The following KALRN variants were observed in gnomAD, a reference collection of about 807,000 sequenced individuals.
KALRN encodes the protein kalirin RhoGEF kinase.
A neutral mutation model predicts 353.7 loss-of-function variants in KALRN; 70 were observed. The ratio of observed to expected loss-of-function variants is 0.20; its 90% CI spans 0.16 to 0.24. The LOEUF (loss-of-function observed/expected upper bound fraction) is 0.24. Ranked by LOEUF, KALRN falls within the 10% of genes least tolerant of loss-of-function variation. The pLI is 1.00. For missense variants in KALRN, 2,791 were observed against 3,756.7 expected (o/e 0.74, Z 6.72); for synonymous variants, 1,391 against 1,434.8 (o/e 0.97, Z 0.69).
intron 5 of KALRN, among the ~76,000 whole-genome samples, chr3:124,275,777 T>C (rs539782094): frequency 1.2e-3 from 186 of 152,304 alleles, no homozygotes; most frequent in Non-Finnish European, 2.2e-3. Flanking sequence ...AAATTCAGAA[T>C]TGATTTTTGA....
At chr3:124,083,841 A>T (rs1233445076) in intron 1 of KALRN, among the ~76,000 whole-genome samples, 3 of 152,186 alleles carry the variant, frequency 2.0e-5, no homozygotes, top group Non-Finnish European at 2.9e-5. Flanking sequence ...GTTAAGACTG[A>T]CAGAACTTCT....
At chr3:124,221,431 A>G (rs369641416) in intron 1 of KALRN, among the ~76,000 whole-genome samples, 1 of 152,220 alleles carries the variant, frequency 6.6e-6, no homozygotes, top group African/African-American at 2.4e-5. Flanking sequence ...AAGGAATACT[A>G]CATGGTCCCT....
intron 33 of KALRN, among the ~76,000 whole-genome samples, chr3:124,536,731 T>A (rs545668679): frequency 6.6e-6 from 1 of 152,372 alleles, no homozygotes; most frequent in East Asian, 1.9e-4. Flanking sequence ...ATTTAAAATA[T>A]ATTTTAAGAC....
chr3:124,302,803 C>A (rs1478383180), intron 6 of KALRN, among the ~76,000 whole-genome samples: 4 of 151,600 alleles, frequency 2.6e-5, no homozygotes, highest in Admixed American at 6.6e-5. Flanking sequence ...GCTACCTTCT[C>A]ACTGTGCTGC....
At chr3:124,708,806 C>G (rs1237291321) in intron 57 of KALRN, among the ~76,000 whole-genome samples, 1 of 151,652 alleles carries the variant, frequency 6.6e-6, no homozygotes. Context: ...CAAACAAAAA[C>G]CATGCCCAGA....
chr3:124,269,031 C>A lies in KALRN; in HGVS notation c.745C>A (p.Arg249=), dbSNP rs769640788. 1 of 1,613,466 alleles carries A rather than the reference C, an allele frequency of 6.2e-7. No individual in the cohort carries two copies. Among genetic ancestry groups the A allele is most frequent in the African/African-American group, 1.3e-5 (1 of 75,064 alleles). ...VLKAPVEELD[R]EGQRLLQCIR... is the part of the protein sequence containing the mutation. ...GAAGGCCCCTGTGGAGGAGCTGGACCGGGAGGGGCAGCGGCTGCTGCAGTG... is the reference window on the plus strand; with the variant it reads ...GAAGGCCCCTGTGGAGGAGCTGGACAGGGAGGGGCAGCGGCTGCTGCAGTG... The change falls in exon 5 of 60, where the codon CGG becomes AGG. Residue 249 remains arginine (R), a synonymous_variant. Transcript: ENST00000682506.
chr3:124,458,239 G>A (rs1481823353), intron 23 of KALRN, among the ~76,000 whole-genome samples: 1 of 130,668 alleles, frequency 7.7e-6, no homozygotes, highest in Non-Finnish European at 1.5e-5. Context: ...TCACGCCACT[G>A]CACTCCAGCC....
At chr3:124,311,116 C>T (rs1400744839) in intron 6 of KALRN, among the ~76,000 whole-genome samples, 12 of 120,812 alleles carry the variant, frequency 9.9e-5, no homozygotes, top group African/African-American at 3.3e-4. Context: ...GCTCTGTCAC[C>T]CAGGCTGGAT....
At chr3:124,130,763 A>T (rs1030722250) in intron 1 of KALRN, among the ~76,000 whole-genome samples, 1 of 152,268 alleles carries the variant, frequency 6.6e-6, no homozygotes, top group Non-Finnish European at 1.5e-5. Context: ...ATGGATAAAT[A>T]CATTGTATAT....
intron 54 of KALRN, among the ~76,000 whole-genome samples, 167 bp downstream of exon 54, chr3:124,696,422 C>G (rs2062054134): frequency 6.6e-6 from 1 of 152,154 alleles, no homozygotes; most frequent in Non-Finnish European, 1.5e-5. Context: ...ACCACCATGC[C>G]TCGCTAATTT....
chr3:124,633,935 C>A lies in KALRN; in HGVS notation c.5550C>A (p.Asp1850Glu), dbSNP rs1467572793. ...LPPPMKIFDN[D>E]PTQDEMSSSL... ...CACCTATGAAGATTTTTGACAACGA[C>A]CCTACACAGGATGAAATGGTAGAAC... Residue 1850 changes from aspartate to glutamate, a missense_variant, in exon 36 of 60, where the codon GAC becomes GAA. Transcript: ENST00000682506. 6.2e-7 allele frequency: 1 copy of A among 1,613,694 alleles called. No homozygotes were observed. Among genetic ancestry groups the A allele is most frequent in the Admixed American group, 1.7e-5 (1 of 60,000 alleles).
At chr3:124,257,309 T>A (rs2072157852) in intron 3 of KALRN, among the ~76,000 whole-genome samples, 1 of 152,226 alleles carries the variant, frequency 6.6e-6, no homozygotes, top group African/African-American at 2.4e-5. Context: ...ATGGGGAGAA[T>A]CCTGAGCTTT....
chr3:124,705,294 AT>A (rs2062548410), intron 57 of KALRN, among the ~76,000 whole-genome samples: 1 of 152,074 alleles, frequency 6.6e-6, no homozygotes, highest in African/African-American at 2.4e-5. Context: ...ATTTTATTTT[AT>A]TTTTTTAAGT....
intron 23 of KALRN, among the ~76,000 whole-genome samples, chr3:124,456,974 C>G (rs2059369262): frequency 6.6e-6 from 1 of 152,156 alleles, no homozygotes. Flanking sequence ...CCTCATAGAT[C>G]ATCACATTTT....
At chr3:124,133,562 C>G (rs1340960839) in intron 1 of KALRN, among the ~76,000 whole-genome samples, 3 of 152,312 alleles carry the variant, frequency 2.0e-5, no homozygotes, top group South Asian at 4.1e-4. Context: ...GAGGGCCCAC[C>G]CAGGGCACTG....
intron 34 of KALRN, 77 bp from the exon 35 acceptor site, chr3:124,632,343 A>G: frequency 1.4e-6 from 2 of 1,402,630 alleles, no homozygotes; most frequent in Non-Finnish European, 2.0e-6. Context: ...CTTCCTGAGG[A>G]TGGAGCTGTC....
intron 51 of KALRN, 82 bp downstream of exon 51, chr3:124,679,599 A>G (rs765110830): frequency 3.5e-6 from 4 of 1,153,232 alleles, no homozygotes; most frequent in Non-Finnish European, 5.3e-6. Flanking sequence ...TGCTAAAATG[A>G]CCAGCCATTC....
intron 5 of KALRN, among the ~76,000 whole-genome samples, chr3:124,293,866 G>A (rs2076618898): frequency 6.6e-6 from 1 of 152,164 alleles, no homozygotes; most frequent in Non-Finnish European, 1.5e-5. Flanking sequence ...AGCTGGAAGG[G>A]AGCTTAGAAA....
intron 1 of KALRN, among the ~76,000 whole-genome samples, chr3:124,076,509 C>T (rs867636649): frequency 2.6e-5 from 4 of 152,292 alleles, no homozygotes; most frequent in Non-Finnish European, 5.9e-5. Context: ...AACCTTCATC[C>T]GCTGTAGCAA....
Sources: allele counts gnomAD v4.1 joint callset (sites outside exome capture counted in the v4.1 genomes callset), GRCh38; gene constraint gnomAD v4.1.1; transcripts MANE v1.5; gene names NCBI Gene and HGNC (gene_info 2026-07-23, HGNC 2026-07-21).